FERMT2: variants seen among roughly 807,000 people sequenced by gnomAD.
FERMT2 encodes fermitin family homolog 2.
FERMT2 carries 15 observed loss-of-function variants against 82.7 expected under a neutral mutation model. The observed-to-expected ratio is 0.18, with a 90% CI of 0.12 to 0.28. The LOEUF is 0.28. Among genes scored for constraint, FERMT2 ranks in the 10% least tolerant of loss-of-function variants. The pLI, the probability that FERMT2 is intolerant of heterozygous loss-of-function variation, is 1.00. For missense variants in FERMT2, 645 were observed against 809.4 expected (o/e 0.80, Z 2.46); for synonymous variants, 274 against 271.5 (o/e 1.01, Z -0.09).
intron 3 of FERMT2, 56 bp downstream of exon 3, chr14:52,919,067 C>T (rs1256706857): frequency 7.4e-6 from 9 of 1,210,202 alleles, no homozygotes; most frequent in South Asian, 4.0e-5. Context: ...TGTCAGTCAT[C>T]GGTCATCTGT....
At chr14:52,867,229 C>T (rs1885341259) in intron 10 of FERMT2, among the ~76,000 whole-genome samples, 2 of 151,968 alleles carry the variant, frequency 1.3e-5, no homozygotes, top group South Asian at 2.1e-4. Context: ...CATGAACCAC[C>T]GTGCCCAGCC....
intron 3 of FERMT2, among the ~76,000 whole-genome samples, chr14:52,912,332 C>T (rs1214998892): frequency 6.6e-6 from 1 of 151,956 alleles, no homozygotes; most frequent in Non-Finnish European, 1.5e-5. Context: ...TCATTAAGAC[C>T]CTCTCTTTTC....
chr14:52,911,418 G>A (rs1888303434), intron 3 of FERMT2, among the ~76,000 whole-genome samples: 1 of 152,060 alleles, frequency 6.6e-6, no homozygotes, highest in East Asian at 1.9e-4. Flanking sequence ...TTGGGAGGCT[G>A]AGGCGGGCGG....
At chr14:52,942,644 C>T (rs1890147018) in intron 2 of FERMT2, among the ~76,000 whole-genome samples, 1 of 151,998 alleles carries the variant, frequency 6.6e-6, no homozygotes, top group African/African-American at 2.4e-5. Flanking sequence ...AAGTCAAAAC[C>T]CACTCAGGTT....
chr14:52,901,368 G>A (rs1594967989), intron 3 of FERMT2, among the ~76,000 whole-genome samples: 1 of 151,810 alleles, frequency 6.6e-6, no homozygotes, highest in Non-Finnish European at 1.5e-5. Flanking sequence ...CTTCTGGGGT[G>A]GGCAGAATAC....
chr14:52,897,439 T>C (rs973251309), intron 3 of FERMT2, among the ~76,000 whole-genome samples: 12 of 152,160 alleles, frequency 7.9e-5, no homozygotes, highest in Admixed American at 7.9e-4. Flanking sequence ...ACATCTCGTG[T>C]TTTTAATAAT....
At chr14:52,894,886 T>A (rs72686381) in intron 3 of FERMT2, among the ~76,000 whole-genome samples, 64 of 140,742 alleles carry the variant, frequency 4.5e-4, no homozygotes, top group African/African-American at 7.0e-4. Context: ...TATTTAAAAA[T>A]AAAAAAAAAA....
intron 2 of FERMT2, among the ~76,000 whole-genome samples, chr14:52,949,567 G>A (rs1417874756): frequency 6.6e-6 from 1 of 152,010 alleles, no homozygotes. Context: ...TTTCTCTTAT[G>A]ATCAAATCAT....
intron 4 of FERMT2, 56 bp from the exon 5 acceptor site, chr14:52,881,525 C>T (rs893115608): frequency 1.7e-6 from 2 of 1,208,926 alleles, no homozygotes; most frequent in Non-Finnish European, 2.4e-6. Flanking sequence ...TCTTATTTTT[C>T]AATAATAACA....
intron 7 of FERMT2, among the ~76,000 whole-genome samples, chr14:52,876,056 T>G (rs955685196): frequency 6.6e-6 from 1 of 152,204 alleles, no homozygotes; most frequent in Non-Finnish European, 1.5e-5. Context: ...GAACAAATAT[T>G]ATGTTAAGCC....
intron 4 of FERMT2, among the ~76,000 whole-genome samples, chr14:52,885,453 A>G (rs1290406876): frequency 6.6e-6 from 1 of 151,968 alleles, no homozygotes; most frequent in Non-Finnish European, 1.5e-5. Flanking sequence ...AAATTCCTTC[A>G]TCGTGGTTCA....
chr14:52,948,492 A>G, intron 2 of FERMT2: 1 of 431,754 alleles, frequency 2.3e-6, no homozygotes, highest in Middle Eastern at 3.4e-4. Flanking sequence ...GGAATTCAAA[A>G]TATAAGAGGA....
chr14:52,948,629 GTCATTTAAAT>G, intron 2 of FERMT2: 1 of 450,300 alleles, frequency 2.2e-6, no homozygotes, highest in Non-Finnish European at 4.4e-6. Context: ...TAAGATTATA[GTCATTTAAAT>G]TAACATCATT....
intron 2 of FERMT2, among the ~76,000 whole-genome samples, chr14:52,920,467 T>TA (rs201177144): frequency 1.3e-5 from 2 of 150,818 alleles, no homozygotes; most frequent in African/African-American, 2.4e-5. Context: ...CCCATCTCTA[T>TA]AATTTTTTTT....
intron 3 of FERMT2, among the ~76,000 whole-genome samples, chr14:52,898,604 C>G (rs770952986): frequency 1.3e-5 from 2 of 152,152 alleles, no homozygotes; most frequent in African/African-American, 4.8e-5. Flanking sequence ...TAATTCACAA[C>G]GTACCCTCAG....
At chr14:52,902,908 AT>A in intron 3 of FERMT2, among the ~76,000 whole-genome samples, 1 of 136,348 alleles carries the variant, frequency 7.3e-6, no homozygotes, top group Non-Finnish European at 1.6e-5. Flanking sequence ...AACACTGAAA[AT>A]TAAAATGTGA....
At chr14:52,884,795 G>A (rs1886493671) in intron 4 of FERMT2, among the ~76,000 whole-genome samples, 1 of 151,932 alleles carries the variant, frequency 6.6e-6, no homozygotes, top group Non-Finnish European at 1.5e-5. Context: ...GAGGTCAGGA[G>A]TTCAAGACCA....
At chr14:52,941,439 C>T (rs1292251271) in intron 2 of FERMT2, among the ~76,000 whole-genome samples, 1 of 151,566 alleles carries the variant, frequency 6.6e-6, no homozygotes, top group Non-Finnish European at 1.5e-5. Context: ...GAGCCTGACA[C>T]TAAGAAAAAA....
At chr14:52,937,229 G>A (rs970785180) in intron 2 of FERMT2, among the ~76,000 whole-genome samples, 2 of 152,082 alleles carry the variant, frequency 1.3e-5, no homozygotes, top group Admixed American at 1.3e-4. Flanking sequence ...CAAATAGAGT[G>A]AGGGTTAAGG....
Sources: allele counts gnomAD v4.1 joint callset (sites outside exome capture counted in the v4.1 genomes callset), GRCh38; gene constraint gnomAD v4.1.1; transcripts MANE v1.5; gene names NCBI Gene and HGNC (gene_info 2026-07-23, HGNC 2026-07-21).